CCDC137: variants seen among roughly 807,000 people sequenced by gnomAD.
CCDC137 encodes the protein coiled-coil domain containing 137, also known as coiled-coil domain-containing protein 137.
CCDC137 carries 24 observed loss-of-function variants against 30.4 expected under a neutral mutation model. The ratio of observed to expected loss-of-function variants is 0.79; its 90% confidence interval spans 0.57 to 1.11. The LOEUF (loss-of-function observed/expected upper bound fraction) is 1.11. Among genes scored for constraint, CCDC137 ranks in the 50% least tolerant of loss-of-function variants. The pLI, the probability that CCDC137 is intolerant of heterozygous loss-of-function variation, is 0.00. For missense variants in CCDC137, 417 were observed against 380.4 expected (o/e 1.10, Z -0.80); for synonymous variants, 182 against 155.7 (o/e 1.17, Z -1.26).
chr17:81,667,075 G>A, intron 1 of CCDC137, 175 bp downstream of exon 1: 1 of 623,986 alleles, frequency 1.6e-6, no homozygotes, highest in South Asian at 8.4e-5. Context: ...TTGAATGAAT[G>A]GAGGCGCGAG....
chr17:81,666,739 C>A lies in CCDC137; in HGVS notation c.-28C>A, dbSNP rs139887681. 3 of 1,447,504 alleles carry A rather than the reference C, an allele frequency of 2.1e-6. No homozygotes were observed. Among genetic ancestry groups the A allele is most frequent in the African/African-American group, 1.5e-5 (1 of 67,634 alleles). 89.7% of individuals were successfully genotyped at this position (1,447,504 alleles called of 1,614,324 possible). On this transcript the variant is annotated 5_prime_UTR_variant, in exon 1 of 6. Transcript: ENST00000329214. ...GAACCATGCAGGAAGGCGGAAGTGG[C>A]TTCGCTAGGGAGCCTCCCGGCGTGG... is the stretch of plus-strand genomic sequence containing the variant.
At position 81,667,623 on chromosome 17, in the gene CCDC137, G is replaced by A. The variant is rs2036656868; in HGVS notation, c.135-106G>A. On this transcript the variant is annotated intron_variant, in intron 1 of 5. Transcript: ENST00000329214. ...ATTACAGGCGTGAGCCACCAAGCCCGGCCAGCCCGTGTAGATTCTATTGCC... is the reference window on the plus strand; with the variant it reads ...ATTACAGGCGTGAGCCACCAAGCCCAGCCAGCCCGTGTAGATTCTATTGCC... 4.3e-6 allele frequency: 6 copies of A among 1,386,646 alleles called. No individual in the cohort carries two copies. The South Asian group carries it at 5.3e-5, about 12-fold the overall frequency. 85.9% of individuals were successfully genotyped at this position (1,386,646 alleles called of 1,614,324 possible). A position where few individuals can be genotyped will look rare whatever the true frequency, so the allele number is the denominator to read the frequency against.
rs2036704328 is a variant in CCDC137 at position 81,670,383 on chromosome 17, CAGGCCA to C, written c.428_433del (p.Gln143_Ile145delinsLeu). On this transcript the variant is annotated inframe_deletion, in exon 3 of 6. Coordinates refer to ENST00000329214, the MANE Select transcript of CCDC137 (RefSeq NM_199287.3). ...GCATGTGCTGTTCCTCAGCAAGAACCAGGCCATCCGGCAGCCAGAGGTGCAGGCAGC... is the reference window on the plus strand; with the variant it reads ...GCATGTGCTGTTCCTCAGCAAGAACCTCCGGCAGCCAGAGGTGCAGGCAGC... 17 of 1,613,822 alleles carry C rather than the reference CAGGCCA, an allele frequency of 1.1e-5. No individual in the cohort carries two copies. The highest frequency in any genetic ancestry group is 1.4e-5 in the Non-Finnish European group (17 of 1,180,032).
intron 1 of CCDC137, 82 bp downstream of exon 1, chr17:81,666,982 AGC>A (rs1334077897): frequency 4.7e-5 from 58 of 1,228,128 alleles, no homozygotes; most frequent in Non-Finnish European, 5.4e-5. Flanking sequence ...CCCCCTAGGG[AGC>A]GTTCGCTCGG....
chr17:81,666,777 C>T lies in CCDC137; in HGVS notation c.11C>T (p.Ala4Val). ...CCTCCCGGCGTGGAGATGGCGGGAGCTGGTCGCGGAGCAGCGGTGTCCAGG... is the reference window on the plus strand; with the variant it reads ...CCTCCCGGCGTGGAGATGGCGGGAGTTGGTCGCGGAGCAGCGGTGTCCAGG... MAG[A>V]GRGAAVSRVQ... The change falls in exon 1 of 6, where the codon GCT (alanine) becomes GTT (valine). Residue 4 changes from alanine to valine, a missense_variant. Coordinates refer to ENST00000329214, the MANE Select transcript of CCDC137 (RefSeq NM_199287.3). 1 of 1,467,680 alleles carries T rather than the reference C, an allele frequency of 6.8e-7. No individual in the cohort carries two copies. 90.9% of individuals were successfully genotyped at this position (1,467,680 alleles called of 1,614,324 possible).
In CCDC137 at chr17:81,666,918, C is replaced by A; in HGVS notation, c.134+18C>A. The stretch of plus-strand genomic sequence containing the variant: ...CTTCGCAGGTGACTGCGCTGCCCCG[C>A]GAGGCCGCCACACTTCCCCAGAGAA... On this transcript the variant is annotated intron_variant, in intron 1 of 5. Transcript: ENST00000329214. The A allele has an allele frequency of 8.0e-7, 1 of 1,251,476 alleles. No homozygotes were observed. The highest frequency in any genetic ancestry group is 1.0e-6 in the Non-Finnish European group (1 of 997,016). The allele number at this position is 1,251,476 out of a possible 1,614,324, so 77.5% of individuals were successfully genotyped here.
chr17:81,667,158 A>G (rs1405180175), intron 1 of CCDC137, among the ~76,000 whole-genome samples: 4 of 152,068 alleles, frequency 2.6e-5, no homozygotes, highest in Non-Finnish European at 2.9e-5. Flanking sequence ...CAGGGCGGAA[A>G]GGCCTCCTGG....
chr17:81,667,780 G>A lies in CCDC137; in HGVS notation c.186G>A (p.Glu62=). 6.2e-7 allele frequency: 1 copy of A among 1,613,512 alleles called. No individual in the cohort carries two copies. Among genetic ancestry groups the A allele is most frequent in the Non-Finnish European group, 8.5e-7 (1 of 1,180,002 alleles). ...AGCCCAAGAACCAGGACGAACAGGA[G>A]ATTCCTTTCCGGCTCCGGGAGATTA... ...NCKPKNQDEQ[E]IPFRLREIMR... is the part of the protein sequence containing the mutation. Residue 62 remains glutamate (E), a synonymous_variant, in exon 2 of 6, where the codon GAG becomes GAA. Transcript: ENST00000329214.
chr17:81,669,913 G>T, intron 2 of CCDC137: 1 of 337,838 alleles, frequency 3.0e-6, no homozygotes, highest in Non-Finnish European at 5.6e-6. Context: ...CGGCAGCTGT[G>T]CAATGGAGTC....
intron 2 of CCDC137, among the ~76,000 whole-genome samples, chr17:81,669,518 C>T (rs2036692579): frequency 6.6e-6 from 1 of 152,212 alleles, no homozygotes; most frequent in African/African-American, 2.4e-5. Flanking sequence ...TCTACACTCG[C>T]CCGGGGTCCT....
rs758959213 is a variant in CCDC137, at chr17:81,667,762, G to A, written c.168G>A (p.Lys56=). ...KEKKKVNCKP[K]NQDEQEIPFR... is the part of the protein sequence containing the mutation. ...AGAAGAAAGTGAACTGCAAGCCCAA[G>A]AACCAGGACGAACAGGAGATTCCTT... is the stretch of plus-strand genomic sequence containing the variant. Residue 56 remains lysine, a synonymous_variant, in exon 2 of 6, where the codon AAG becomes AAA. Transcript: ENST00000329214. 6.2e-7 allele frequency: 1 copy of A among 1,613,704 alleles called. No individual in the cohort carries two copies. Among genetic ancestry groups the A allele is most frequent in the Non-Finnish European group, 8.5e-7 (1 of 1,180,010 alleles).
intron 5 of CCDC137, 133 bp from the exon 6 acceptor site, chr17:81,672,362 A>G (rs927322153): frequency 2.1e-6 from 2 of 967,268 alleles, no homozygotes; most frequent in Non-Finnish European, 3.0e-6. Context: ...CCCTCAGCCA[A>G]CGTGTGCGCT....
At chr17:81,668,971 CT>C (rs1465131395) in intron 2 of CCDC137, among the ~76,000 whole-genome samples, 2 of 151,886 alleles carry the variant, frequency 1.3e-5, no homozygotes, top group African/African-American at 2.4e-5. Flanking sequence ...TCTGCCTCCC[CT>C]GTCCCAGTTC....
intron 2 of CCDC137, 122 bp downstream of exon 2, chr17:81,667,984 G>T (rs1309763917): frequency 1.6e-6 from 2 of 1,236,612 alleles, no homozygotes; most frequent in African/African-American, 1.5e-5. Flanking sequence ...CTCAGAAGGT[G>T]GGGGAGCGTG....
Position 81,672,855 on chromosome 17 carries a change from T to C in CCDC137, c.*151T>C, listed in dbSNP as rs546104807. 3.3e-5 allele frequency: 24 copies of C among 734,532 alleles called. No homozygotes were observed. The African/African-American group carries it at 4.1e-4, about 13-fold the overall frequency. 45.5% of individuals were successfully genotyped at this position (734,532 alleles called of 1,614,324 possible). ...GTTGGGCACTAGTGGGTCCACATCT[T>C]GCAGGGGGTGAGTGCCCGATGGACT... is the stretch of plus-strand genomic sequence containing the variant. On this transcript the variant is annotated 3_prime_UTR_variant, in exon 6 of 6. Transcript: ENST00000329214.
chr17:81,670,001 G>A, intron 2 of CCDC137: 1 of 556,946 alleles, frequency 1.8e-6, no homozygotes, highest in East Asian at 3.0e-5. Context: ...TCCTTTTTCA[G>A]CTGTGCTGCA....
intron 3 of CCDC137, 23 bp downstream of exon 3, chr17:81,670,476 G>GCCCCC: frequency 1.3e-6 from 2 of 1,598,048 alleles, no homozygotes; most frequent in Non-Finnish European, 1.7e-6. Context: ...GGGAGGGGGA[G>GCCCCC]GGGTCTGCCC....
intron 2 of CCDC137, among the ~76,000 whole-genome samples, chr17:81,668,569 TG>T (rs1442974061): frequency 6.6e-6 from 1 of 152,170 alleles, no homozygotes; most frequent in East Asian, 1.9e-4. Flanking sequence ...GGCTTCTTGT[TG>T]GGGGTTATAT....
At chr17:81,670,191 T>C in intron 2 of CCDC137, 34 bp from the exon 3 acceptor site, 2 of 1,552,102 alleles carry the variant, frequency 1.3e-6, no homozygotes, top group Non-Finnish European at 1.8e-6. Flanking sequence ...ACTGTCTGCC[T>C]CCTGCCTCCT....
Sources: allele counts gnomAD v4.1 joint callset (sites outside exome capture counted in the v4.1 genomes callset), GRCh38; gene constraint gnomAD v4.1.1; transcripts MANE v1.5; gene names NCBI Gene and HGNC (gene_info 2026-07-23, HGNC 2026-07-21).